Variants in TEK observed in about 807,000 individuals in gnomAD.
TEK encodes the protein angiopoietin-1 receptor.
A neutral mutation model predicts 131.8 loss-of-function variants in TEK; 43 were observed. The observed-to-expected ratio is 0.33, with a 90% confidence interval of 0.26 to 0.42. The LOEUF (loss-of-function observed/expected upper bound fraction) is 0.42. TEK is among the 10% of genes least tolerant of loss of function. TEK has a pLI of 1.00. For synonymous variants in TEK, 580 were observed against 491.6 expected, an observed-to-expected ratio of 1.18 and a Z score of -2.38; for missense variants, 1,162 against 1,384.4, an observed-to-expected ratio of 0.84 and a Z score of 2.55.
At chr9:27,222,699 G>A (rs1793266805) in intron 21 of TEK, among the ~76,000 whole-genome samples, 2 of 152,108 alleles carry the variant, frequency 1.3e-5, no homozygotes, top group South Asian at 4.2e-4. Flanking sequence ...CCTTACAAGA[G>A]CTCCTGAAGG....
rs1297259837 is a variant in TEK at position 27,229,773 on chromosome 9, G to A, written c.*541G>A. 6.1e-6 allele frequency: 1 copy of A among 163,978 alleles called. No homozygotes were observed. Among genetic ancestry groups the A allele is most frequent in the Non-Finnish European group, 1.3e-5 (1 of 74,398 alleles). 10.2% of individuals were successfully genotyped at this position (163,978 alleles called of 1,614,324 possible). ...TCTCTCTCAATTTTATCCCTCACCT[G>A]TAGCAGCCAGTCCCGTTTCATTTAG... On this transcript the variant is annotated 3_prime_UTR_variant, in exon 23 of 23. Transcript: ENST00000380036.
intron 18 of TEK, among the ~76,000 whole-genome samples, chr9:27,215,454 C>T (rs1362854902): frequency 2.0e-5 from 3 of 152,014 alleles, no homozygotes; most frequent in African/African-American, 4.8e-5. Context: ...TTTCAATTCT[C>T]ATTGTACTTC....
At chr9:27,145,687 A>G (rs1350332275) in intron 1 of TEK, among the ~76,000 whole-genome samples, 1 of 152,204 alleles carries the variant, frequency 6.6e-6, no homozygotes, top group African/African-American at 2.4e-5. Context: ...TTTAAGATGT[A>G]TTACTTTCAG....
intron 4 of TEK, among the ~76,000 whole-genome samples, chr9:27,170,840 G>C (rs1197933466): frequency 6.6e-6 from 1 of 152,160 alleles, no homozygotes; most frequent in African/African-American, 2.4e-5. Context: ...AGACCAGTGA[G>C]CTATAGACAA....
At chr9:27,188,372 T>C (rs1171857711) in intron 9 of TEK, among the ~76,000 whole-genome samples, 1 of 152,174 alleles carries the variant, frequency 6.6e-6, no homozygotes, top group Non-Finnish European at 1.5e-5. Context: ...GTAAAAATGA[T>C]TAAAAGGCAA....
intron 18 of TEK, among the ~76,000 whole-genome samples, chr9:27,214,456 A>G (rs567664836): frequency 6.6e-6 from 1 of 152,308 alleles, no homozygotes; most frequent in South Asian, 2.1e-4. Context: ...GTCATAAGAT[A>G]TAGACAATCT....
chr9:27,185,699 C>G (rs781670428), intron 9 of TEK, 70 bp downstream of exon 9: 56 of 1,594,386 alleles, frequency 3.5e-5, no homozygotes, highest in Non-Finnish European at 4.6e-5. Context: ...TGCTTCTAGA[C>G]AGAAATGTAT....
chr9:27,136,992 T>C (rs1380225067), intron 1 of TEK, among the ~76,000 whole-genome samples: 1 of 152,158 alleles, frequency 6.6e-6, no homozygotes, highest in East Asian at 1.9e-4. Context: ...CTCGGCTCAC[T>C]GCAACCTCTG....
At chr9:27,193,368 A>G (rs2181031) in intron 11 of TEK, among the ~76,000 whole-genome samples, 14,503 of 152,152 alleles carry the variant, frequency 0.095, 784 homozygotes, top group Non-Finnish European at 0.11. Flanking sequence ...CGGGGTTCAA[A>G]AATTTGCATT....
chr9:27,181,370 T>C (rs1824366058), intron 7 of TEK, among the ~76,000 whole-genome samples: 1 of 152,198 alleles, frequency 6.6e-6, no homozygotes, highest in African/African-American at 2.4e-5. Flanking sequence ...AATATATTTA[T>C]TGAAAAAAAT....
chr9:27,213,063 G>A lies in TEK; in HGVS notation c.2877+166G>A, dbSNP rs1111781. Among the ~76,000 whole-genome samples, 56,897 of 151,768 alleles carry A rather than the reference G, an allele frequency of 0.37. 11,195 individuals carry two copies. The highest frequency in any genetic ancestry group is 0.59 in the East Asian group (3,026 of 5,170). Reference sequence around the variant, plus strand: ...AGTCCATCTATTTAAAGAAAAATTAGTACTGACAATATGTTTATCTAGCAA... The same window carrying A: ...AGTCCATCTATTTAAAGAAAAATTAATACTGACAATATGTTTATCTAGCAA... On this transcript the variant is annotated intron_variant, in intron 17 of 22. Coordinates refer to ENST00000380036, the MANE Select transcript of TEK (RefSeq NM_000459.5).
rs565297743 is a variant in TEK, at chr9:27,174,724, C to G, written c.901+1362C>G. On this transcript the variant is annotated intron_variant, in intron 6 of 22. Coordinates refer to ENST00000380036, the MANE Select transcript of TEK (RefSeq NM_000459.5). ...TTCCCTCTAAATGCTATGTCTGCCC[C>G]CCGGAACATGCAGTGAGCCACAGCA... is the stretch of plus-strand genomic sequence containing the variant. 2.6e-5 allele frequency among the ~76,000 whole-genome samples: 4 copies of G among 152,204 alleles called. No homozygotes were observed. The South Asian group carries it at 8.3e-4, about 32-fold the overall frequency.
intron 12 of TEK, among the ~76,000 whole-genome samples, chr9:27,201,937 G>A (rs1478371224): frequency 6.6e-6 from 1 of 152,178 alleles, no homozygotes; most frequent in Non-Finnish European, 1.5e-5. Context: ...GAGAGTGTCT[G>A]CATGTGGAAG....
chr9:27,197,332 G>A lies in TEK; in HGVS notation c.1642G>A (p.Gly548Ser). The A allele has an allele frequency of 1.2e-6, 2 of 1,613,964 alleles. No homozygotes were observed. The highest frequency in any genetic ancestry group is 1.7e-6 in the Non-Finnish European group (2 of 1,179,958). The change falls in exon 12 of 23, where the codon GGT becomes AGT. Residue 548 changes from glycine to serine, a missense_variant. Gly to Ser is a moderately conservative substitution (Grantham distance 56, BLOSUM62 0). Transcript: ENST00000380036. ...TCTCCTAGGACTCCCTCCTCCAAGA[G>A]GTCTAAATCTCCTGCCTAAAAGTCA... ...TASIGLPPPR[G>S]LNLLPKSQTT...
chr9:27,206,609 T>A lies in TEK; in HGVS notation c.2392T>A (p.Ser798Thr), dbSNP rs1311026554. 1 of 1,613,898 alleles carries A rather than the reference T, an allele frequency of 6.2e-7. No homozygotes were observed. The highest frequency in any genetic ancestry group is 2.2e-5 in the East Asian group (1 of 44,866). ...GGAAGAACCAGCTGTGCAGTTCAAC[T>A]CAGGGACTCTGGCCCTAAACAGGAA... Reference protein sequence around the residue: ...VREEPAVQFNSGTLALNRKVK... With the variant: ...VREEPAVQFNTGTLALNRKVK... Residue 798 changes from serine (S) to threonine (T), a missense_variant, in exon 15 of 23, where the codon TCA (serine) becomes ACA (threonine). Around this residue, in one of 6 missense-constraint regions of TEK, gnomAD observed 477 missense variants for 471.0 expected, o/e 1.01. Coordinates refer to ENST00000380036, the MANE Select transcript of TEK (RefSeq NM_000459.5).
intron 21 of TEK, among the ~76,000 whole-genome samples, chr9:27,222,501 CT>C (rs1384389407): frequency 6.6e-6 from 1 of 152,182 alleles, no homozygotes; most frequent in Non-Finnish European, 1.5e-5. Context: ...GCCAAACAGA[CT>C]AACAGTAGAC....
intron 1 of TEK, among the ~76,000 whole-genome samples, chr9:27,131,405 G>A (rs549331204): frequency 6.6e-6 from 1 of 150,780 alleles, no homozygotes; most frequent in South Asian, 2.1e-4. Flanking sequence ...GCTGAGCCCA[G>A]GAAGCGGAGG....
intron 22 of TEK, among the ~76,000 whole-genome samples, chr9:27,228,558 G>A (rs1228715267): frequency 6.6e-6 from 1 of 152,088 alleles, no homozygotes; most frequent in Non-Finnish European, 1.5e-5. Context: ...GAGTTGGAAG[G>A]AATTTTCGTC....
intron 2 of TEK, among the ~76,000 whole-genome samples, chr9:27,161,048 A>T (rs1462745658): frequency 2.6e-5 from 4 of 152,208 alleles, no homozygotes; most frequent in Admixed American, 2.6e-4. Flanking sequence ...TCCTTGCTGT[A>T]CTGTCCTGAG....
Sources: gnomAD v4.1 joint callset for allele counts (sites outside exome capture counted in the v4.1 genomes callset) on GRCh38, gnomAD v4.1.1 for gene constraint, gnomAD v4.1.1 regional missense constraint, MANE v1.5 for transcripts, NCBI Gene and HGNC (gene_info 2026-07-23, HGNC 2026-07-21) for gene names.